Variants in RTTN observed in about 807,000 individuals in gnomAD.
The protein encoded by RTTN is rotatin.
A neutral mutation model predicts 269.2 loss-of-function variants in RTTN; 182 were observed. The observed-to-expected ratio is 0.68, with a 90% CI of 0.60 to 0.76. The LOEUF is 0.76. Among genes scored for constraint, RTTN ranks in the 30% least tolerant of loss-of-function variants. The probability of loss-of-function intolerance (pLI) is 0.00; values close to 1 mark genes in which losing one functional copy is unlikely to be tolerated. For missense variants in RTTN, 2,545 were observed against 2,608.6 expected, an observed-to-expected ratio of 0.98 and a Z score of 0.53; for synonymous variants, 1,006 against 963.5, an observed-to-expected ratio of 1.04 and a Z score of -0.82.
chr18:70,011,309 T>C (rs950684059), intron 46 of RTTN, among the ~76,000 whole-genome samples: 2 of 151,986 alleles, frequency 1.3e-5, no homozygotes, highest in Admixed American at 6.6e-5. Context: ...CAGGCCAATA[T>C]CCCCGATGAA....
intron 11 of RTTN, among the ~76,000 whole-genome samples, chr18:70,171,968 A>C (rs933724713): frequency 3.9e-5 from 6 of 152,214 alleles, no homozygotes; most frequent in African/African-American, 1.4e-4. Flanking sequence ...CTCCCTGAAA[A>C]GCTAAAGACC....
intron 36 of RTTN, among the ~76,000 whole-genome samples, chr18:70,059,506 A>G (rs1480928958): frequency 2.0e-5 from 3 of 152,204 alleles, no homozygotes; most frequent in South Asian, 2.1e-4. Flanking sequence ...CACTAAAAAG[A>G]TGAATTCCCA....
At chr18:70,146,881 T>C (rs1385493656) in intron 17 of RTTN, among the ~76,000 whole-genome samples, 1 of 152,186 alleles carries the variant, frequency 6.6e-6, no homozygotes, top group Non-Finnish European at 1.5e-5. Flanking sequence ...TCCAGAGGAC[T>C]AATAAGTCAG....
intron 27 of RTTN, among the ~76,000 whole-genome samples, chr18:70,112,947 C>G (rs4485471): frequency 6.6e-6 from 1 of 152,010 alleles, no homozygotes; most frequent in Non-Finnish European, 1.5e-5. Context: ...TGCAAAAGAA[C>G]GCAAATCATA....
intron 32 of RTTN, among the ~76,000 whole-genome samples, chr18:70,085,426 G>A (rs2058676387): frequency 2.0e-5 from 3 of 151,994 alleles, no homozygotes; most frequent in South Asian, 2.1e-4. Context: ...TTCATGCTTC[G>A]GGTCATGTGC....
intron 26 of RTTN, among the ~76,000 whole-genome samples, chr18:70,118,506 C>T (rs117620794): frequency 0.012 from 1,885 of 152,132 alleles, 23 homozygotes; most frequent in South Asian, 0.039. Flanking sequence ...CTGAATTCCA[C>T]CAAACATTTA....
At chr18:70,070,412 A>G (rs894274906) in intron 34 of RTTN, among the ~76,000 whole-genome samples, 1 of 152,216 alleles carries the variant, frequency 6.6e-6, no homozygotes, top group African/African-American at 2.4e-5. Flanking sequence ...TGCTGGAGGT[A>G]TTTGTATGTC....
At position 70,006,476 on chromosome 18, in the gene RTTN, T is replaced by C; in HGVS notation, c.6430A>G (p.Ile2144Val). The C allele has an allele frequency of 6.2e-7, 1 of 1,613,256 alleles. No individual in the cohort carries two copies. The highest frequency in any genetic ancestry group is 8.5e-7 in the Non-Finnish European group (1 of 1,179,184). Residue 2144 changes from isoleucine to valine, a missense_variant, in exon 47 of 49, where the codon ATT becomes GTT. By Grantham distance (29) the Ile-to-Val change is conservative. Coordinates refer to ENST00000640769, the MANE Select transcript of RTTN (RefSeq NM_173630.4). Reference protein sequence around the residue: ...KPKILANEKVITVLAACLESE... With the variant: ...KPKILANEKVVTVLAACLESE... ...TCCAGACAGGCAGCAAGCACAGTAA[T>C]GACTTTTTCTAAAAATGAACATATA...
chr18:70,193,352 C>T lies in RTTN; in HGVS notation c.943G>A (p.Val315Met), dbSNP rs1459548703. ...GGTCGCTGGCCTGTGCGCCCAACCA[C>T]AGAAGGCCGAGGGCTGCTGCTTCCT... ...SPGSSSPRPS[V>M]VGRTGQRPRG... The change falls in exon 8 of 49, where the codon GTG (valine) becomes ATG (methionine). Residue 315 changes from valine (V) to methionine (M), a missense_variant. Val to Met is a conservative substitution (Grantham distance 21). Coordinates refer to ENST00000640769, the MANE Select transcript of RTTN (RefSeq NM_173630.4). 5.0e-6 allele frequency: 8 copies of T among 1,610,738 alleles called. No individual in the cohort carries two copies. The highest frequency in any genetic ancestry group is 5.9e-6 in the Non-Finnish European group (7 of 1,178,550).
intron 46 of RTTN, among the ~76,000 whole-genome samples, chr18:70,014,632 C>A (rs2056485992): frequency 6.6e-6 from 1 of 152,182 alleles, no homozygotes; most frequent in Non-Finnish European, 1.5e-5. Flanking sequence ...GGGTGCAGAG[C>A]CCTATCAGAA....
intron 39 of RTTN, among the ~76,000 whole-genome samples, chr18:70,049,364 C>T (rs1039772701): frequency 6.6e-6 from 1 of 152,028 alleles, no homozygotes; most frequent in South Asian, 2.1e-4. Flanking sequence ...AGAAGAAAAT[C>T]CCAATGTCTT....
intron 19 of RTTN, among the ~76,000 whole-genome samples, chr18:70,141,561 G>A (rs1039779056): frequency 1.3e-5 from 2 of 152,096 alleles, no homozygotes; most frequent in African/African-American, 4.8e-5. Flanking sequence ...CTCACAGGTG[G>A]GAACTGAACA....
intron 28 of RTTN, among the ~76,000 whole-genome samples, chr18:70,105,001 G>A (rs115187043): frequency 0.019 from 2,950 of 152,252 alleles, 96 homozygotes; most frequent in African/African-American, 0.066. Context: ...TCTGTAACGG[G>A]AGAACCAGTA....
chr18:70,188,458 G>T (rs1462032964), intron 9 of RTTN, among the ~76,000 whole-genome samples: 2 of 152,130 alleles, frequency 1.3e-5, no homozygotes, highest in African/African-American at 4.8e-5. Flanking sequence ...AATTGGAAAA[G>T]ATATTGAAAG....
chr18:70,204,747 T>A (rs549572809), intron 2 of RTTN, among the ~76,000 whole-genome samples: 1 of 152,230 alleles, frequency 6.6e-6, no homozygotes. Flanking sequence ...CAACTTAACA[T>A]TGGTATTTAT....
In RTTN at chr18:70,020,751, A is replaced by C; in HGVS notation, c.6017T>G (p.Val2006Gly). Residue 2006 changes from valine to glycine, a missense_variant, in exon 45 of 49, where the codon GTG (valine) becomes GGG (glycine). Physicochemically the swap from Val to Gly is moderately radical, Grantham distance 109. Transcript: ENST00000640769. ...HPVQATHRGAVSNSLMLCILK... is the reference protein window; with the variant it reads ...HPVQATHRGAGSNSLMLCILK... Reference sequence around the variant, plus strand: ...GATACACAGCATCAGAGAGTTGCTCACGGCTCCTCTATGTGTAGCTTGAAC... The same window carrying C: ...GATACACAGCATCAGAGAGTTGCTCCCGGCTCCTCTATGTGTAGCTTGAAC... 1 of 1,614,080 alleles carries C rather than the reference A, an allele frequency of 6.2e-7. No individual in the cohort carries two copies. Among genetic ancestry groups the C allele is most frequent in the South Asian group, 1.1e-5 (1 of 91,074 alleles).
intron 14 of RTTN, among the ~76,000 whole-genome samples, chr18:70,152,066 C>A (rs1276761294): frequency 2.6e-5 from 4 of 152,180 alleles, no homozygotes; most frequent in South Asian, 2.1e-4. Flanking sequence ...CATCTCTGTT[C>A]TCATGTGACT....
intron 40 of RTTN, among the ~76,000 whole-genome samples, chr18:70,033,901 G>C (rs1250291340): frequency 1.3e-5 from 2 of 151,286 alleles, no homozygotes; most frequent in African/African-American, 4.8e-5. Context: ...ACTGACCCCA[G>C]AGAAATAAAC....
intron 32 of RTTN, among the ~76,000 whole-genome samples, chr18:70,077,775 T>C (rs1338523451): frequency 1.3e-5 from 2 of 151,920 alleles, no homozygotes; most frequent in Admixed American, 6.6e-5. Flanking sequence ...GAATCTGTTC[T>C]ATTTTTCCTC....
Sources: gnomAD v4.1 joint callset for allele counts (sites outside exome capture counted in the v4.1 genomes callset) on GRCh38, gnomAD v4.1.1 for gene constraint, MANE v1.5 for transcripts, NCBI Gene and HGNC (gene_info 2026-07-23, HGNC 2026-07-21) for gene names.